The following MACROD2 variants were observed in gnomAD, a reference collection of about 807,000 sequenced individuals.
The protein encoded by MACROD2 is ADP-ribose glycohydrolase MACROD2.
In MACROD2, 36 loss-of-function variants were observed where a neutral mutation model predicts 70.4. The ratio of observed to expected loss-of-function variants is 0.51; its 90% CI spans 0.39 to 0.68. The LOEUF (loss-of-function observed/expected upper bound fraction) is 0.68. Ranked by LOEUF, MACROD2 falls within the 30% of genes least tolerant of loss-of-function variation. MACROD2 has a pLI of 0.00. For synonymous variants in MACROD2, 172 were observed against 178.8 expected (o/e 0.96, Z 0.30); for missense variants, 496 against 538.4 (o/e 0.92, Z 0.78).
intron 4 of MACROD2, among the ~76,000 whole-genome samples, chr20:14,511,176 A>G (rs2083082171): frequency 6.6e-6 from 1 of 152,110 alleles, no homozygotes; most frequent in Admixed American, 6.6e-5. Flanking sequence ...TGATGAAGAC[A>G]AGTGTTGACA....
intron 7 of MACROD2, among the ~76,000 whole-genome samples, chr20:15,448,562 A>G (rs564026979): frequency 1.3e-5 from 2 of 152,238 alleles, no homozygotes; most frequent in African/African-American, 4.8e-5. Context: ...AATGGTAGAG[A>G]GTCAGTAAAA....
At chr20:15,164,987 A>T (rs2076373763) in intron 5 of MACROD2, among the ~76,000 whole-genome samples, 1 of 152,064 alleles carries the variant, frequency 6.6e-6, no homozygotes, top group Non-Finnish European at 1.5e-5. Context: ...TACTGAAGTC[A>T]TAACAAACTA....
intron 3 of MACROD2, among the ~76,000 whole-genome samples, chr20:14,285,638 CT>C (rs1405318016): frequency 1.3e-5 from 2 of 151,758 alleles, no homozygotes; most frequent in Non-Finnish European, 2.9e-5. Flanking sequence ...AACTTGAGGA[CT>C]TTTCTTCCTC....
At chr20:15,957,944 G>A (rs2066000829) in intron 12 of MACROD2, among the ~76,000 whole-genome samples, 1 of 152,152 alleles carries the variant, frequency 6.6e-6, no homozygotes, top group Non-Finnish European at 1.5e-5. Context: ...CTAACCCAAA[G>A]TTTTTGCTGG....
intron 3 of MACROD2, among the ~76,000 whole-genome samples, chr20:14,447,587 G>A (rs1297123941): frequency 6.6e-6 from 1 of 151,846 alleles, no homozygotes. Context: ...GTCTCCCCCA[G>A]ACTTGGGAGA....
At chr20:14,501,869 A>G (rs2084918677) in intron 4 of MACROD2, among the ~76,000 whole-genome samples, 1 of 152,204 alleles carries the variant, frequency 6.6e-6, no homozygotes, top group South Asian at 2.1e-4. Flanking sequence ...TTCAGATAAT[A>G]TCTATAAACA....
chr20:15,733,543 A>C (rs2050975877), intron 8 of MACROD2, among the ~76,000 whole-genome samples: 1 of 152,172 alleles, frequency 6.6e-6, no homozygotes, highest in Non-Finnish European at 1.5e-5. Flanking sequence ...ATCATAAAAA[A>C]ATTGATGTTT....
chr20:15,304,880 ACT>A (rs1254570694), intron 6 of MACROD2, among the ~76,000 whole-genome samples: 1 of 152,238 alleles, frequency 6.6e-6, no homozygotes, highest in African/African-American at 2.4e-5. Flanking sequence ...CCTCATGGCA[ACT>A]GGCCATACGG....
intron 5 of MACROD2, among the ~76,000 whole-genome samples, chr20:14,698,592 C>G (rs528375449): frequency 8.6e-5 from 13 of 151,488 alleles, no homozygotes; most frequent in African/African-American, 3.1e-4. Flanking sequence ...TATTTAATGT[C>G]TTTATTTTTT....
At chr20:15,991,290 G>A (rs2066555502) in intron 15 of MACROD2, among the ~76,000 whole-genome samples, 1 of 152,188 alleles carries the variant, frequency 6.6e-6, no homozygotes, top group Non-Finnish European at 1.5e-5. Context: ...CACATAGCAA[G>A]TGAGGGACTT....
chr20:15,602,906 T>C (rs928154435), intron 8 of MACROD2, among the ~76,000 whole-genome samples: 4 of 150,884 alleles, frequency 2.7e-5, no homozygotes, highest in African/African-American at 7.4e-5. Context: ...TTTTTTTTAA[T>C]ATGTCCCAGA....
intron 5 of MACROD2, among the ~76,000 whole-genome samples, chr20:15,026,478 G>A (rs971737789): frequency 6.6e-6 from 1 of 150,924 alleles, no homozygotes; most frequent in African/African-American, 2.4e-5. Context: ...ATAATGTTTT[G>A]TGTTTGTAAA....
At chr20:15,961,317 A>G (rs2066057853) in intron 12 of MACROD2, among the ~76,000 whole-genome samples, 1 of 152,164 alleles carries the variant, frequency 6.6e-6, no homozygotes, top group Non-Finnish European at 1.5e-5. Context: ...GAAGCTCAAC[A>G]TAGTATCTCC....
At chr20:15,901,826 C>T (rs904701228) in intron 10 of MACROD2, among the ~76,000 whole-genome samples, 9 of 152,182 alleles carry the variant, frequency 5.9e-5, no homozygotes, top group African/African-American at 2.2e-4. Context: ...GCCCTCAGTT[C>T]AGAGCTTGCC....
chr20:14,294,025 A>G (rs1221261153), intron 3 of MACROD2, among the ~76,000 whole-genome samples: 1 of 151,804 alleles, frequency 6.6e-6, no homozygotes. Flanking sequence ...GGGACACATC[A>G]CTAGAAAGAG....
chr20:15,063,245 T>C (rs571611844), intron 5 of MACROD2, among the ~76,000 whole-genome samples: 206 of 152,128 alleles, frequency 1.4e-3, no homozygotes, highest in African/African-American at 4.7e-3. Flanking sequence ...CAAATTGCAA[T>C]GTCATCATAT....
At chr20:15,674,882 G>A (rs1340281628) in intron 8 of MACROD2, among the ~76,000 whole-genome samples, 2 of 152,086 alleles carry the variant, frequency 1.3e-5, no homozygotes, top group African/African-American at 2.4e-5. Context: ...GTTGAGCCAA[G>A]CCATTCATGG....
chr20:14,600,415 G>A (rs1365076076), intron 4 of MACROD2, among the ~76,000 whole-genome samples: 1 of 149,412 alleles, frequency 6.7e-6, no homozygotes, highest in Non-Finnish European at 1.5e-5. Flanking sequence ...TATATTGAGA[G>A]AACTCCAGAA....
At chr20:14,794,036 C>T (rs757931955) in intron 5 of MACROD2, among the ~76,000 whole-genome samples, 1 of 152,066 alleles carries the variant, frequency 6.6e-6, no homozygotes, top group Admixed American at 6.6e-5. Context: ...GGTGCAGCAT[C>T]ACAGAGCCAG....
Sources: gnomAD v4.1 joint callset for allele counts (sites outside exome capture counted in the v4.1 genomes callset) on GRCh38, gnomAD v4.1.1 for gene constraint, MANE v1.5 for transcripts, NCBI Gene and HGNC (gene_info 2026-07-23, HGNC 2026-07-21) for gene names.